Variants in LRP2 observed in about 807,000 individuals in gnomAD.
LRP2 encodes low-density lipoprotein receptor-related protein 2.
LRP2 carries 172 observed loss-of-function variants against 531.0 expected under a neutral mutation model. That is an observed-to-expected ratio of 0.32 (90% CI 0.29 to 0.37). The LOEUF is 0.37. LRP2 is among the 10% of genes least tolerant of loss of function. The pLI, the probability that LRP2 is intolerant of heterozygous loss-of-function variation, is 1.00. For missense variants in LRP2, 5,167 were observed against 5,868.3 expected (o/e 0.88, Z 3.90); for synonymous variants, 1,992 against 2,027.6 (o/e 0.98, Z 0.47).
At chr2:169,336,536 TCACACACACACACA>T (rs61573424) in intron 1 of LRP2, among the ~76,000 whole-genome samples, 1 of 145,998 alleles carries the variant, frequency 6.8e-6, no homozygotes. Context: ...CAAGACTCCA[TCACACACACACACA>T]CACACACACA....
chr2:169,198,721 CT>C, intron 45 of LRP2, 64 bp downstream of exon 45: 1 of 1,589,374 alleles, frequency 6.3e-7, no homozygotes, highest in Non-Finnish European at 8.6e-7. Context: ...CGCTTCATAT[CT>C]TTGTATTAGC....
At chr2:169,220,672 T>C (rs1688961118) in intron 33 of LRP2, 109 bp from the exon 34 acceptor site, 26 of 725,144 alleles carry the variant, frequency 3.6e-5, no homozygotes, top group South Asian at 3.0e-4. Context: ...CGATTAGGGA[T>C]GGATGAGAGA....
rs34951037 is a variant in LRP2, at chr2:169,225,096, A to T, written c.5538+214T>A. 0.51 allele frequency among the ~76,000 whole-genome samples: 77,247 copies of T among 151,702 alleles called. 21,162 individuals are homozygous for T. Among genetic ancestry groups the T allele is most frequent in the African/African-American group, 0.72 (29,653 of 41,364 alleles). On this transcript the variant is annotated intron_variant, in intron 33 of 78. Coordinates refer to ENST00000649046, the MANE Select transcript of LRP2 (RefSeq NM_004525.3). ...ACAGAGTGAGACTTTGTCTAAAAAA[A>T]AAATAAATAAATAAATAAAAATAAA...
chr2:169,258,598 G>T (rs1297461445), intron 17 of LRP2, among the ~76,000 whole-genome samples: 1 of 152,010 alleles, frequency 6.6e-6, no homozygotes, highest in Non-Finnish European at 1.5e-5. Context: ...GAAACTTTGT[G>T]GTCTGAAAAA....
At position 169,174,010 on chromosome 2, in the gene LRP2, C is replaced by G; in HGVS notation, c.10923G>C (p.Arg3641=). The G allele has an allele frequency of 6.2e-7, 1 of 1,614,260 alleles. No homozygotes were observed. The highest frequency in any genetic ancestry group is 8.5e-7 in the Non-Finnish European group (1 of 1,180,050). ...ASRTCRPGQF[R]CANGRCIPQA... is the part of the protein sequence containing the mutation. ...GCGGGATGCAGCGGCCATTAGCACA[C>G]CGAAACTGGCCCGGCCGGCAGGTCC... Residue 3641 remains arginine, a synonymous_variant, in exon 56 of 79, where the codon CGG becomes CGC. Coordinates refer to ENST00000649046, the MANE Select transcript of LRP2 (RefSeq NM_004525.3).
At chr2:169,334,712 C>A (rs777537041) in intron 1 of LRP2, among the ~76,000 whole-genome samples, 10 of 152,150 alleles carry the variant, frequency 6.6e-5, no homozygotes, top group Non-Finnish European at 7.3e-5. Flanking sequence ...ACCACTGAAC[C>A]TTCACTCAAT....
At chr2:169,361,766 G>C (rs1686171223) in intron 1 of LRP2, among the ~76,000 whole-genome samples, 1 of 152,128 alleles carries the variant, frequency 6.6e-6, no homozygotes, top group African/African-American at 2.4e-5. Context: ...CCCACCTCCC[G>C]GCCTTATCTT....
intron 1 of LRP2, among the ~76,000 whole-genome samples, chr2:169,352,787 TG>T (rs924899958): frequency 3.5e-5 from 5 of 143,858 alleles, no homozygotes; most frequent in African/African-American, 1.3e-4. Flanking sequence ...CACTCATAAG[TG>T]GGAGATGAAC....
intron 13 of LRP2, among the ~76,000 whole-genome samples, chr2:169,276,047 C>T (rs539309389): frequency 1.6e-4 from 24 of 152,042 alleles, no homozygotes; most frequent in African/African-American, 5.8e-4. Flanking sequence ...ATCTTAGCAT[C>T]CCCTGAAAAC....
At chr2:169,288,991 T>A in intron 9 of LRP2, 35 bp downstream of exon 9, 1 of 1,612,760 alleles carries the variant, frequency 6.2e-7, no homozygotes, top group East Asian at 2.2e-5. Flanking sequence ...TGTACTGTAA[T>A]GAAAGACAAG....
intron 46 of LRP2, among the ~76,000 whole-genome samples, chr2:169,195,098 A>G (rs758307462): frequency 3.9e-5 from 6 of 152,164 alleles, no homozygotes; most frequent in Non-Finnish European, 8.8e-5. Flanking sequence ...CCACATGTGC[A>G]CAAAGGATGT....
At chr2:169,205,328 A>G in intron 41 of LRP2, 151 bp downstream of exon 41, 1 of 820,044 alleles carries the variant, frequency 1.2e-6, no homozygotes, top group Non-Finnish European at 2.0e-6. Context: ...CCAAGTTCCA[A>G]TATAAACATA....
At chr2:169,339,107 GT>G (rs56841400) in intron 1 of LRP2, among the ~76,000 whole-genome samples, 24 of 147,640 alleles carry the variant, frequency 1.6e-4, no homozygotes, top group Admixed American at 3.4e-4. Context: ...ATTCTACAGG[GT>G]TTTTTTTTTG....
chr2:169,247,081 A>G (rs757576777), intron 20 of LRP2, 95 bp from the exon 21 acceptor site: 159 of 1,409,912 alleles, frequency 1.1e-4, no homozygotes, highest in Non-Finnish European at 1.4e-4. Flanking sequence ...AGGACAAAAC[A>G]TTTTTCAGAC....
intron 75 of LRP2, among the ~76,000 whole-genome samples, chr2:169,138,139 C>T (rs1203635044): frequency 6.6e-6 from 1 of 152,172 alleles, no homozygotes; most frequent in Non-Finnish European, 1.5e-5. Flanking sequence ...GTGGTCTGGA[C>T]CAACGCCAAC....
intron 45 of LRP2, among the ~76,000 whole-genome samples, chr2:169,198,108 G>A (rs540223968): frequency 4.8e-4 from 73 of 152,232 alleles, no homozygotes; most frequent in Non-Finnish European, 9.1e-4. Context: ...GTATCTAGGG[G>A]ATATAAAGAT....
intron 46 of LRP2, among the ~76,000 whole-genome samples, chr2:169,196,077 A>C (rs974389243): frequency 6.6e-6 from 1 of 152,210 alleles, no homozygotes; most frequent in Admixed American, 6.5e-5. Flanking sequence ...ATTAAAAGGC[A>C]GTATGAAGAC....
chr2:169,197,015 C>T lies in LRP2; in HGVS notation c.8594G>A (p.Ser2865Asn). Residue 2865 changes from serine to asparagine, a missense_variant, in exon 46 of 79, where the codon AGC (serine) becomes AAC (asparagine). By Grantham distance (46) the Ser-to-Asn change is conservative (BLOSUM62 1). This residue lies in a region of LRP2 where 1,129 missense variants were observed against 1,362.7 expected (regional missense o/e 0.83). Coordinates refer to ENST00000649046, the MANE Select transcript of LRP2 (RefSeq NM_004525.3). The part of the protein sequence containing the change: ...NPTYCTTHTC[S>N]SSEFQCASGR... The stretch of plus-strand genomic sequence containing the variant: ...AGATGCGCATTGGAACTCACTGCTG[C>T]TGCACGTGTGAGTGGCTGCAGGAGG... 6 of 1,614,014 alleles carry T rather than the reference C, an allele frequency of 3.7e-6. No individual in the cohort carries two copies. Among genetic ancestry groups the T allele is most frequent in the African/African-American group, 1.3e-5 (1 of 75,060 alleles).
In LRP2 at chr2:169,165,935, G is replaced by T. The variant is rs1339680426; in HGVS notation, c.11755C>A (p.His3919Asn). ...CGDGTDETEE[H>N]CRKPTPKPCT... is the part of the protein sequence containing the mutation. ...CTCCCTTTTGACTTTTGCTTACAGTGCTCCTCTGTCTCATCAGTTCCATCT... is the reference window on the plus strand; with the variant it reads ...CTCCCTTTTGACTTTTGCTTACAGTTCTCCTCTGTCTCATCAGTTCCATCT... Residue 3919 changes from histidine (H) to asparagine (N), a missense_variant, in exon 62 of 79, where the codon CAC becomes AAC. By Grantham distance (68) the His-to-Asn change is moderately conservative. This residue lies in a region of LRP2 where 564 missense variants were observed against 747.7 expected (regional missense o/e 0.75). Transcript: ENST00000649046. 1 of 1,613,916 alleles carries T rather than the reference G, an allele frequency of 6.2e-7. No homozygotes were observed. Among genetic ancestry groups the T allele is most frequent in the South Asian group, 1.1e-5 (1 of 91,068 alleles).
Sources: gnomAD v4.1 joint callset for allele counts (sites outside exome capture counted in the v4.1 genomes callset) on GRCh38, gnomAD v4.1.1 for gene constraint, gnomAD v4.1.1 regional missense constraint, MANE v1.5 for transcripts, NCBI Gene and HGNC (gene_info 2026-07-23, HGNC 2026-07-21) for gene names.